The following NELL1 variants were observed in gnomAD, a reference collection of about 807,000 sequenced individuals.
NELL1 encodes protein kinase C-binding protein NELL1.
Under a neutral mutation model 107.4 loss-of-function variants are expected in NELL1, and 76 were observed. That is an observed-to-expected ratio of 0.71 (90% CI 0.59 to 0.86). The LOEUF is 0.86. Ranked by LOEUF, NELL1 falls within the 40% of genes least tolerant of loss-of-function variation. NELL1 has a pLI of 0.00. For missense variants in NELL1, 1,024 were observed against 1,005.5 expected (o/e 1.02, Z -0.25); for synonymous variants, 353 against 341.2 (o/e 1.03, Z -0.38).
chr11:21,060,094 A>C (rs1853703756), intron 12 of NELL1, among the ~76,000 whole-genome samples: 1 of 151,972 alleles, frequency 6.6e-6, no homozygotes, highest in African/African-American at 2.4e-5. Flanking sequence ...CCTTGGTGTC[A>C]CTCTCTGCTT....
At chr11:20,810,378 T>A (rs1402174521) in intron 3 of NELL1, among the ~76,000 whole-genome samples, 1 of 152,148 alleles carries the variant, frequency 6.6e-6, no homozygotes, top group Non-Finnish European at 1.5e-5. Flanking sequence ...CCCCTCTCAC[T>A]CGTCTCCCCA....
At chr11:20,932,935 C>T (rs201142977) in intron 9 of NELL1, among the ~76,000 whole-genome samples, 3 of 152,190 alleles carry the variant, frequency 2.0e-5, no homozygotes, top group East Asian at 3.8e-4. Context: ...GTTAGGAAAA[C>T]GTCATAGGTA....
intron 12 of NELL1, among the ~76,000 whole-genome samples, chr11:20,965,667 C>G (rs1851374151): frequency 6.6e-6 from 1 of 152,120 alleles, no homozygotes; most frequent in Non-Finnish European, 1.5e-5. Context: ...TTTCATGTAA[C>G]AAAACTGACA....
At chr11:20,924,365 A>G (rs1021107742) in intron 7 of NELL1, among the ~76,000 whole-genome samples, 2 of 152,182 alleles carry the variant, frequency 1.3e-5, no homozygotes, top group East Asian at 1.9e-4. Flanking sequence ...ATTACAGACA[A>G]TAGGACTTCT....
At chr11:20,779,089 A>G (rs980194202) in intron 2 of NELL1, among the ~76,000 whole-genome samples, 1 of 152,122 alleles carries the variant, frequency 6.6e-6, no homozygotes, top group Non-Finnish European at 1.5e-5. Flanking sequence ...CCTCTATTGG[A>G]AATACTCAGA....
intron 10 of NELL1, among the ~76,000 whole-genome samples, chr11:20,940,290 C>T (rs1041908031): frequency 7.9e-5 from 12 of 151,226 alleles, no homozygotes; most frequent in African/African-American, 9.7e-5. Flanking sequence ...GACCGGGTCT[C>T]GCTCTGTCTC....
intron 13 of NELL1, among the ~76,000 whole-genome samples, chr11:21,191,319 G>A (rs1857044414): frequency 6.6e-6 from 1 of 151,830 alleles, no homozygotes; most frequent in South Asian, 2.1e-4. Flanking sequence ...AGAAGGACGT[G>A]GCTCAATGTT....
intron 5 of NELL1, among the ~76,000 whole-genome samples, chr11:20,899,469 A>C (rs1849824660): frequency 6.6e-6 from 1 of 152,196 alleles, no homozygotes; most frequent in South Asian, 2.1e-4. Flanking sequence ...TGTGAGATGC[A>C]GCTAAAGCAA....
At chr11:21,234,516 C>G (rs990566810) in intron 14 of NELL1, among the ~76,000 whole-genome samples, 29 of 152,168 alleles carry the variant, frequency 1.9e-4, no homozygotes, top group African/African-American at 7.0e-4. Flanking sequence ...CTCAAGATAT[C>G]TTCAAACCAA....
At chr11:21,112,267 C>G (rs949727732) in intron 12 of NELL1, among the ~76,000 whole-genome samples, 1 of 151,978 alleles carries the variant, frequency 6.6e-6, no homozygotes, top group Non-Finnish European at 1.5e-5. Context: ...ATCTTTAGCT[C>G]TGAAAAGAAT....
intron 2 of NELL1, among the ~76,000 whole-genome samples, chr11:20,739,953 C>T (rs978458227): frequency 2.0e-5 from 3 of 152,196 alleles, no homozygotes; most frequent in Admixed American, 2.0e-4. Context: ...GAGGAAGATT[C>T]AGAGAGGGAA....
chr11:21,451,185 T>TAAAAAAAAAAAAAAAAAA (rs35257979), intron 15 of NELL1, among the ~76,000 whole-genome samples: 2 of 101,546 alleles, frequency 2.0e-5, no homozygotes, highest in East Asian at 5.7e-4. Flanking sequence ...AGACTCCGTC[T>TAAAAAAAAAAAAAAAAAA]AAAAAAAAAA....
chr11:21,400,865 A>G (rs151160882), intron 15 of NELL1, among the ~76,000 whole-genome samples: 4 of 152,040 alleles, frequency 2.6e-5, no homozygotes, highest in Non-Finnish European at 5.9e-5. Flanking sequence ...GTGCCAGGGC[A>G]CAGCACTAGG....
intron 14 of NELL1, among the ~76,000 whole-genome samples, chr11:21,345,993 T>C (rs1346295071): frequency 6.6e-6 from 1 of 152,202 alleles, no homozygotes; most frequent in East Asian, 1.9e-4. Context: ...AAATACATGA[T>C]AGCCTGCTTT....
chr11:20,865,090 C>A (rs1849068972), intron 4 of NELL1, among the ~76,000 whole-genome samples: 1 of 152,162 alleles, frequency 6.6e-6, no homozygotes, highest in East Asian at 1.9e-4. Flanking sequence ...TGCTCTGGAC[C>A]TCTCTGGAGT....
At chr11:21,159,809 C>T (rs896533061) in intron 13 of NELL1, among the ~76,000 whole-genome samples, 10 of 152,274 alleles carry the variant, frequency 6.6e-5, no homozygotes, top group African/African-American at 2.4e-4. Flanking sequence ...AACACACCAC[C>T]CACTATCTGT....
intron 13 of NELL1, among the ~76,000 whole-genome samples, chr11:21,157,986 A>T (rs911217212): frequency 3.3e-5 from 5 of 152,108 alleles, no homozygotes; most frequent in Non-Finnish European, 7.4e-5. Flanking sequence ...GTGGACTGGG[A>T]GATGCAGACC....
intron 13 of NELL1, among the ~76,000 whole-genome samples, chr11:21,184,838 A>C (rs894832673): frequency 2.0e-5 from 3 of 151,882 alleles, no homozygotes; most frequent in Non-Finnish European, 4.4e-5. Context: ...TGAAGCCATC[A>C]AATAGTGAAT....
At chr11:21,114,359 TC>T (rs1275937100) in intron 13 of NELL1, among the ~76,000 whole-genome samples, 1 of 151,966 alleles carries the variant, frequency 6.6e-6, no homozygotes, top group Non-Finnish European at 1.5e-5. Flanking sequence ...GGTAGAAGAT[TC>T]CAAGTTTTTC....
Sources: gnomAD v4.1 joint callset for allele counts (sites outside exome capture counted in the v4.1 genomes callset) on GRCh38, gnomAD v4.1.1 for gene constraint, MANE v1.5 for transcripts, NCBI Gene and HGNC (gene_info 2026-07-23, HGNC 2026-07-21) for gene names.